The following ABCA8 variants were observed in gnomAD, a reference collection of about 807,000 sequenced individuals.
The protein encoded by ABCA8 is ATP binding cassette subfamily A member 8, also known as ABC-type organic anion transporter ABCA8.
In ABCA8, 177 loss-of-function variants were observed where a neutral mutation model predicts 192.3. The observed-to-expected ratio is 0.92, with a 90% confidence interval of 0.81 to 1.04. ABCA8 has a LOEUF of 1.04. ABCA8 is among the 50% of genes least tolerant of loss of function. The pLI is 0.00. For synonymous variants in ABCA8, 642 were observed against 690.2 expected (o/e 0.93, Z 1.09); for missense variants, 1,915 against 1,904.8 (o/e 1.01, Z -0.10).
chr17:68,893,733 TTC>T (rs1491423187), intron 23 of ABCA8, among the ~76,000 whole-genome samples: 50 of 149,090 alleles, frequency 3.4e-4, no homozygotes, highest in African/African-American at 1.2e-3. Context: ...TTTTTTTTTT[TTC>T]CTTTTCTTTT....
At chr17:68,909,742 A>G (rs2067185559) in intron 17 of ABCA8, among the ~76,000 whole-genome samples, 1 of 152,180 alleles carries the variant, frequency 6.6e-6, no homozygotes. Flanking sequence ...AAATATCTAC[A>G]TGAGATATTT....
At chr17:68,872,517 T>G (rs1291180534) in intron 37 of ABCA8, among the ~76,000 whole-genome samples, 1 of 151,092 alleles carries the variant, frequency 6.6e-6, no homozygotes, top group Non-Finnish European at 1.5e-5. Context: ...GCATGGCACA[T>G]GTATACATAT....
At chr17:68,903,239 C>A in intron 20 of ABCA8, 62 bp downstream of exon 20, 1 of 1,572,388 alleles carries the variant, frequency 6.4e-7, no homozygotes. Flanking sequence ...GCCTTTATAC[C>A]TTAGATTTGC....
intron 16 of ABCA8, 146 bp from the exon 17 acceptor site, chr17:68,917,597 A>C (rs2067408091): frequency 1.8e-6 from 1 of 557,472 alleles, no homozygotes; most frequent in Non-Finnish European, 3.1e-6. Context: ...GGACTCAATG[A>C]AATAGACACA....
At chr17:68,936,875 C>G (rs2068081184) in intron 5 of ABCA8, 76 bp downstream of exon 5, 2 of 1,314,284 alleles carry the variant, frequency 1.5e-6, no homozygotes, top group South Asian at 1.7e-5. Context: ...ATTTGGCATA[C>G]TAACCTCTAT....
intron 13 of ABCA8, among the ~76,000 whole-genome samples, chr17:68,921,134 G>A (rs951009061): frequency 6.6e-6 from 1 of 152,094 alleles, no homozygotes; most frequent in Admixed American, 6.6e-5. Flanking sequence ...CTCACTCATA[G>A]GTGGGAATTG....
Position 68,869,701 on chromosome 17 carries a change from C to T in ABCA8, c.4710G>A (p.Lys1570=). The part of the protein sequence containing the change: ...PLAQAFFKLE[K]VKQSFDLEEY... ...GTACTTCAAAGTCATACTTCTTACC[C>T]TTCTCTAATTTGAAGAAAGCTTGGG... The change falls in exon 38 of 40, where the codon AAG becomes AAA. Residue 1570 remains lysine, a splice_region_variant and synonymous_variant. Transcript: ENST00000586539. 1 of 1,605,302 alleles carries T rather than the reference C, an allele frequency of 6.2e-7. No homozygotes were observed.
At chr17:68,938,325 C>G (rs1443906952) in intron 4 of ABCA8, among the ~76,000 whole-genome samples, 1 of 152,032 alleles carries the variant, frequency 6.6e-6, no homozygotes, top group Non-Finnish European at 1.5e-5. Context: ...ATAGCAAGTG[C>G]ATGAACTGGA....
intron 12 of ABCA8, 39 bp from the exon 13 acceptor site, chr17:68,921,531 A>T: frequency 7.3e-7 from 1 of 1,370,652 alleles, no homozygotes; most frequent in Non-Finnish European, 1.0e-6. Flanking sequence ...GATAAGATAA[A>T]GGGATGGAAA....
intron 21 of ABCA8, among the ~76,000 whole-genome samples, chr17:68,897,167 G>A (rs958892217): frequency 2.6e-5 from 4 of 152,178 alleles, no homozygotes; most frequent in Admixed American, 6.5e-5. Flanking sequence ...CTTGCTACTG[G>A]TGGTGCCTAA....
chr17:68,902,927 C>G (rs1325351908), intron 20 of ABCA8, 48 bp from the exon 21 acceptor site: 4 of 1,492,030 alleles, frequency 2.7e-6, no homozygotes, highest in Non-Finnish European at 3.7e-6. Flanking sequence ...ATTTCCTGAT[C>G]TAATACTCTC....
chr17:68,915,679 A>G (rs1413983603), intron 17 of ABCA8, among the ~76,000 whole-genome samples: 1 of 152,178 alleles, frequency 6.6e-6, no homozygotes, highest in Non-Finnish European at 1.5e-5. Flanking sequence ...TGTTGGTGGG[A>G]ATGTAAATTA....
At chr17:68,895,469 A>T (rs1397998353) in intron 21 of ABCA8, among the ~76,000 whole-genome samples, 1 of 152,228 alleles carries the variant, frequency 6.6e-6, no homozygotes, top group African/African-American at 2.4e-5. Context: ...ACTTATAAAA[A>T]TTCCTAAAAA....
rs1221866726 is a variant in ABCA8, at chr17:68,903,496, A to G, written c.2402T>C (p.Ile801Thr). The G allele has an allele frequency of 6.2e-7, 1 of 1,614,054 alleles. No homozygotes were observed. Among genetic ancestry groups the G allele is most frequent in the Non-Finnish European group, 8.5e-7 (1 of 1,179,968 alleles). The part of the protein sequence containing the change: ...EGKSTINESD[I>T]AILGEVQAEK... ...CGCTTGTACTTCTCCCAAAATAGCA[A>G]TGTCTGCAAAACATAAAATAAGCAA... Residue 801 changes from isoleucine to threonine, a missense_variant, in exon 20 of 40, where the codon ATT becomes ACT. Transcript: ENST00000586539.
At chr17:68,929,524 A>G (rs2067799172) in intron 8 of ABCA8, 37 bp downstream of exon 8, 3 of 1,595,316 alleles carry the variant, frequency 1.9e-6, no homozygotes, top group Middle Eastern at 1.7e-4. Context: ...TTTTTAGGCT[A>G]TAGGTGGATG....
At chr17:68,918,906 G>A (rs2067458953) in intron 14 of ABCA8, among the ~76,000 whole-genome samples, 1 of 140,504 alleles carries the variant, frequency 7.1e-6, no homozygotes, top group Non-Finnish European at 1.5e-5. Context: ...CTCCGGCCTG[G>A]GCGACAAGAG....
chr17:68,944,316 TTATATATATATATATATATATATATA>T lies in ABCA8; in HGVS notation c.-5-2303_-5-2278del, dbSNP rs1177610587. Among the ~76,000 whole-genome samples the T allele has an allele frequency of 1.2e-3, 36 of 29,292 alleles. 2 individuals carry two copies. The highest frequency in any genetic ancestry group is 7.8e-3 in the Admixed American group (18 of 2,298). The allele number at this position is 29,292 out of a possible 152,430, so 19.2% of individuals were successfully genotyped here. On this transcript the variant is annotated intron_variant, in intron 2 of 39. Coordinates refer to ENST00000586539, the MANE Select transcript of ABCA8 (RefSeq NM_001288985.2). The stretch of plus-strand genomic sequence containing the variant: ...AGCACATGTAGCCCAGAACTTAAAG[TTATATATATATATATATATATATATA>T]TATATATATATATATATACACATAT...
chr17:68,891,487 A>C lies in ABCA8; in HGVS notation c.3144+2T>G. ...ATGGAAGTTGCAATTACTCATTATT[A>C]CCTTATAATCATCGATGCTGCTCAT... is the stretch of plus-strand genomic sequence containing the variant. On this transcript the variant is annotated splice_donor_variant, in intron 24 of 39. Transcript: ENST00000586539. LOFTEE classifies it high-confidence loss of function. 1 of 1,605,048 alleles carries C rather than the reference A, an allele frequency of 6.2e-7. No homozygotes were observed. Among genetic ancestry groups the C allele is most frequent in the South Asian group, 1.1e-5 (1 of 90,534 alleles).
intron 17 of ABCA8, among the ~76,000 whole-genome samples, chr17:68,908,698 TAGAG>T (rs1304882893): frequency 6.6e-6 from 1 of 152,216 alleles, no homozygotes; most frequent in African/African-American, 2.4e-5. Context: ...TTCTCCATTA[TAGAG>T]AAACAGACAA....
Sources: gnomAD v4.1 joint callset for allele counts (sites outside exome capture counted in the v4.1 genomes callset) on GRCh38, gnomAD v4.1.1 for gene constraint, MANE v1.5 for transcripts, NCBI Gene and HGNC (gene_info 2026-07-23, HGNC 2026-07-21) for gene names.